The following DTNA variants were observed in gnomAD, a reference collection of about 807,000 sequenced individuals.
DTNA encodes the protein dystrobrevin alpha, also known as dystrophin-related protein 3.
A neutral mutation model predicts 100.7 loss-of-function variants in DTNA; 43 were observed. That is an observed-to-expected ratio of 0.43 (90% CI 0.33 to 0.55). The LOEUF (loss-of-function observed/expected upper bound fraction) is 0.55, where lower values mean the gene tolerates loss of function less well. Among genes scored for constraint, DTNA ranks in the 20% least tolerant of loss-of-function variants. The pLI, the probability that DTNA is intolerant of heterozygous loss-of-function variation, is 0.04. For synonymous variants in DTNA, 349 were observed against 347.9 expected, an observed-to-expected ratio of 1.00 and a Z score of -0.04; for missense variants, 798 against 953.9, an observed-to-expected ratio of 0.84 and a Z score of 2.15.
At chr18:34,604,660 G>A (rs905148798) in intron 1 of DTNA, among the ~76,000 whole-genome samples, 4 of 152,096 alleles carry the variant, frequency 2.6e-5, no homozygotes, top group Non-Finnish European at 5.9e-5. Context: ...TTATGTAGCT[G>A]TTTGCCAGAC....
At chr18:34,791,292 C>A (rs2094729788) in intron 3 of DTNA, among the ~76,000 whole-genome samples, 1 of 152,142 alleles carries the variant, frequency 6.6e-6, no homozygotes, top group South Asian at 2.1e-4. Context: ...CCAGTCCATG[C>A]TCCTCTCCCC....
At chr18:34,878,350 G>A (rs953443075) in intron 19 of DTNA, among the ~76,000 whole-genome samples, 1 of 152,200 alleles carries the variant, frequency 6.6e-6, no homozygotes, top group African/African-American at 2.4e-5. Flanking sequence ...GAAAAAGGCA[G>A]AGAAGAACAA....
chr18:34,523,410 T>C (rs927527018), intron 1 of DTNA, among the ~76,000 whole-genome samples: 8 of 152,188 alleles, frequency 5.3e-5, no homozygotes, highest in Admixed American at 3.9e-4. Context: ...ACCTGTGTAG[T>C]GTTCCATTTG....
intron 1 of DTNA, among the ~76,000 whole-genome samples, chr18:34,663,260 C>A (rs936687964): frequency 2.6e-5 from 4 of 152,012 alleles, no homozygotes; most frequent in Non-Finnish European, 5.9e-5. Flanking sequence ...CTCAAGTGAT[C>A]CTCCTACCTC....
At chr18:34,774,656 T>C (rs1169605362) in intron 3 of DTNA, among the ~76,000 whole-genome samples, 1 of 152,228 alleles carries the variant, frequency 6.6e-6, no homozygotes, top group Non-Finnish European at 1.5e-5. Flanking sequence ...TTACTGAAAC[T>C]TTACATAAAT....
rs1048081 is a variant in DTNA, at chr18:34,812,049, C to T, written c.539C>T (p.Ala180Val). The T allele has an allele frequency of 6.2e-7, 1 of 1,614,054 alleles. No individual in the cohort carries two copies. The highest frequency in any genetic ancestry group is 1.3e-5 in the African/African-American group (1 of 75,016). The change falls in exon 6 of 23, where the codon GCA becomes GTA. Residue 180 changes from alanine (A) to valine (V), a missense_variant. Coordinates refer to ENST00000444659, the MANE Select transcript of DTNA (RefSeq NM_001386795.1). ...CGGGAAGTTCTCAAACTACCCACGG[C>T]AGTTTTTGAAGGTCCTTCATTTGGT... is the stretch of plus-strand genomic sequence containing the variant. ...FLREVLKLPT[A>V]VFEGPSFGYT...
chr18:34,691,338 C>T (rs924567054), intron 1 of DTNA, among the ~76,000 whole-genome samples: 13 of 152,180 alleles, frequency 8.5e-5, no homozygotes, highest in African/African-American at 3.1e-4. Context: ...TGCCATTGCT[C>T]CTTTTACAAG....
chr18:34,565,496 G>A (rs955434349), intron 1 of DTNA, among the ~76,000 whole-genome samples: 10 of 152,094 alleles, frequency 6.6e-5, no homozygotes, highest in East Asian at 1.9e-4. Context: ...ATTTTGCCAC[G>A]GTCAGGAGGC....
At chr18:34,865,851 G>A (rs966225902) in intron 17 of DTNA, among the ~76,000 whole-genome samples, 4 of 152,166 alleles carry the variant, frequency 2.6e-5, no homozygotes, top group Admixed American at 6.5e-5. Flanking sequence ...ACAGAGTACT[G>A]CCTTTTATTG....
chr18:34,639,729 G>GAAA (rs2059058670), intron 1 of DTNA, among the ~76,000 whole-genome samples: 1 of 152,156 alleles, frequency 6.6e-6, no homozygotes, highest in Non-Finnish European at 1.5e-5. Flanking sequence ...AGAAATACAA[G>GAAA]TTAAATTAAA....
chr18:34,612,086 G>A (rs193090862), intron 1 of DTNA, among the ~76,000 whole-genome samples: 189 of 152,320 alleles, frequency 1.2e-3, no homozygotes, highest in African/African-American at 4.3e-3. Context: ...GGGCCACCGC[G>A]CGTGAGCTCA....
chr18:34,718,143 G>A (rs1275039591), intron 1 of DTNA, among the ~76,000 whole-genome samples: 1 of 152,070 alleles, frequency 6.6e-6, no homozygotes, highest in South Asian at 2.1e-4. Flanking sequence ...GAAACTGAGC[G>A]TATCTTACAA....
At chr18:34,851,688 C>A in intron 14 of DTNA, 143 bp from the exon 15 acceptor site, 1 of 927,668 alleles carries the variant, frequency 1.1e-6, no homozygotes, top group Non-Finnish European at 1.7e-6. Context: ...AGAAAAATGG[C>A]AATTGAATTT....
chr18:34,535,525 T>C lies in DTNA; in HGVS notation c.-2+42011T>C, dbSNP rs191174333. Among the ~76,000 whole-genome samples the C allele has an allele frequency of 7.3e-3, 1,113 of 152,252 alleles. 16 individuals are homozygous for C. The highest frequency in any genetic ancestry group is 0.026 in the African/African-American group (1,072 of 41,552). On this transcript the variant is annotated intron_variant, in intron 1 of 19. Transcript: ENST00000283365. ...GATCCCATTTGTCAAATATGGCTTT[T>C]GTTGCAATTGCTTTTGGTGTTTTAG...
At chr18:34,645,397 A>T (rs953707977) in intron 1 of DTNA, among the ~76,000 whole-genome samples, 3 of 152,158 alleles carry the variant, frequency 2.0e-5, no homozygotes, top group Admixed American at 2.0e-4. Context: ...TGAGAATGTT[A>T]TTCGTCCCAC....
chr18:34,693,151 A>C (rs1166897594), intron 1 of DTNA, among the ~76,000 whole-genome samples: 2 of 152,206 alleles, frequency 1.3e-5, no homozygotes, highest in African/African-American at 4.8e-5. Flanking sequence ...ATTTATACTT[A>C]TAATGATCAT....
chr18:34,739,029 T>C (rs1413946771), intron 1 of DTNA, among the ~76,000 whole-genome samples: 1 of 152,128 alleles, frequency 6.6e-6, no homozygotes, highest in Non-Finnish European at 1.5e-5. Context: ...CTGAACATAG[T>C]ACCCAAGAGT....
At chr18:34,514,101 A>T (rs1440728056) in intron 1 of DTNA, among the ~76,000 whole-genome samples, 4 of 152,132 alleles carry the variant, frequency 2.6e-5, no homozygotes, top group Non-Finnish European at 5.9e-5. Flanking sequence ...GACTCTAAAG[A>T]TTGCTCTTAG....
chr18:34,692,547 T>C (rs1035558292), intron 1 of DTNA, among the ~76,000 whole-genome samples: 23 of 152,230 alleles, frequency 1.5e-4, no homozygotes, highest in African/African-American at 5.5e-4. Context: ...GTTTGTTAGA[T>C]AGTGTTAAAA....
Sources: gnomAD v4.1 joint callset for allele counts (sites outside exome capture counted in the v4.1 genomes callset) on GRCh38, gnomAD v4.1.1 for gene constraint, MANE v1.5 for transcripts, NCBI Gene and HGNC (gene_info 2026-07-23, HGNC 2026-07-21) for gene names.